Variants in ARHGEF7 observed in about 807,000 individuals in gnomAD.
ARHGEF7 encodes PAK-interacting exchange factor beta.
Under a neutral mutation model 109.8 loss-of-function variants are expected in ARHGEF7, and 33 were observed. The observed-to-expected ratio is 0.30, with a 90% confidence interval of 0.23 to 0.40. The LOEUF is 0.40. Ranked by LOEUF, ARHGEF7 falls within the 10% of genes least tolerant of loss-of-function variation. The pLI is 1.00. For missense variants in ARHGEF7, 938 were observed against 1,098.5 expected (o/e 0.85, Z 2.07); for synonymous variants, 458 against 424.6 (o/e 1.08, Z -0.97).
chr13:111,168,656 C>T (rs1421936937), intron 2 of ARHGEF7, among the ~76,000 whole-genome samples: 1 of 152,166 alleles, frequency 6.6e-6, no homozygotes, highest in South Asian at 2.1e-4. Context: ...ATTGTCCATT[C>T]CCACCCCCAG....
At chr13:111,219,901 T>C (rs748020692) in intron 5 of ARHGEF7, among the ~76,000 whole-genome samples, 2 of 152,142 alleles carry the variant, frequency 1.3e-5, no homozygotes, top group Non-Finnish European at 2.9e-5. Flanking sequence ...TGCAAGTACA[T>C]GACATCCTTT....
intron 20 of ARHGEF7, 105 bp downstream of exon 20, chr13:111,300,952 C>T (rs2093552387): frequency 6.2e-6 from 3 of 486,228 alleles, no homozygotes. Flanking sequence ...AGAAGCTTCA[C>T]TTTTTTTTTT....
chr13:111,247,526 C>G (rs534149763), intron 8 of ARHGEF7, among the ~76,000 whole-genome samples: 1 of 152,304 alleles, frequency 6.6e-6, no homozygotes, highest in Non-Finnish European at 1.5e-5. Flanking sequence ...CCGCCTCAGC[C>G]TCCCAAAGTG....
chr13:111,197,957 G>A (rs1641137640), intron 2 of ARHGEF7, among the ~76,000 whole-genome samples: 1 of 152,154 alleles, frequency 6.6e-6, no homozygotes, highest in African/African-American at 2.4e-5. Flanking sequence ...AGATGGGCGA[G>A]TCTCACTTGG....
At chr13:111,154,782 C>T (rs907229917) in intron 2 of ARHGEF7, among the ~76,000 whole-genome samples, 1 of 152,184 alleles carries the variant, frequency 6.6e-6, no homozygotes, top group South Asian at 2.1e-4. Context: ...TCTAGCTTTG[C>T]TTTTCTTGGG....
chr13:111,156,564 T>C (rs2076352268), intron 2 of ARHGEF7, among the ~76,000 whole-genome samples: 1 of 152,238 alleles, frequency 6.6e-6, no homozygotes, highest in African/African-American at 2.4e-5. Context: ...TGAGAAGTCA[T>C]TTTGTATGCT....
At chr13:111,280,722 A>T (rs1334767348) in intron 15 of ARHGEF7, 45 bp downstream of exon 15, 1 of 1,450,630 alleles carries the variant, frequency 6.9e-7, no homozygotes, top group African/African-American at 1.5e-5. Context: ...CAGGCGTGGC[A>T]TCCCGTGGCT....
Position 111,267,632 on chromosome 13 carries a change from C to T in ARHGEF7, c.1035C>T (p.Ala345=). ...AAACCCTGTACCTCACGTATTGTGC[C>T]AATCACCCTTCTGCAGTGAATGTCC... The part of the protein sequence containing the change: ...QMKTLYLTYC[A]NHPSAVNVLT... The change falls in exon 9 of 22, where the codon GCC becomes GCT. Residue 345 remains alanine (A), a synonymous_variant. Coordinates refer to ENST00000646102, the MANE Select transcript of ARHGEF7 (RefSeq NM_001354046.2). 2 of 1,614,104 alleles carry T rather than the reference C, an allele frequency of 1.2e-6. No individual in the cohort carries two copies. Among genetic ancestry groups the T allele is most frequent in the Non-Finnish European group, 1.7e-6 (2 of 1,179,960 alleles).
At position 111,266,796 on chromosome 13, in the gene ARHGEF7, G is replaced by T. The variant is rs1018565005; in HGVS notation, c.951-752G>T. 3 of 455,860 alleles carry T rather than the reference G, an allele frequency of 6.6e-6. No individual in the cohort carries two copies. The highest frequency in any genetic ancestry group is 1.3e-5 in the Non-Finnish European group (3 of 226,798). The allele number at this position is 455,860 out of a possible 1,614,324, so 28.2% of individuals were successfully genotyped here. A position where few individuals can be genotyped will look rare whatever the true frequency, so the allele number is the denominator to read the frequency against. ...GACACCCTGGGGTGCAGGGAAGGTG[G>T]TAAGAGTTCACGTGGTTCTCCTGTT... On this transcript the variant is annotated intron_variant, in intron 8 of 21. Coordinates refer to ENST00000646102, the MANE Select transcript of ARHGEF7 (RefSeq NM_001354046.2). The surrounding 1 kb of genome is among the most constrained non-coding windows in gnomAD (Gnocchi z 4.8).
chr13:111,291,431 A>T (rs2093278872), intron 18 of ARHGEF7, among the ~76,000 whole-genome samples: 1 of 152,214 alleles, frequency 6.6e-6, no homozygotes, highest in South Asian at 2.1e-4. Flanking sequence ...TTCCCACTGC[A>T]CCCTGCCTGC....
Position 111,175,830 on chromosome 13 carries a change from C to T in ARHGEF7, c.252+21839C>T, listed in dbSNP as rs557934357. Among the ~76,000 whole-genome samples, 24 of 152,288 alleles carry T rather than the reference C, an allele frequency of 1.6e-4. 2 individuals carry two copies. The South Asian group carries it at 5.0e-3, about 32-fold the overall frequency. On this transcript the variant is annotated intron_variant, in intron 2 of 21. Transcript: ENST00000646102. Reference sequence around the variant, plus strand: ...ATAAAGGAGAAAGGTTTAATTTACTCACAGTTAACACAGGGCTGGGGAGGT... The same window carrying T: ...ATAAAGGAGAAAGGTTTAATTTACTTACAGTTAACACAGGGCTGGGGAGGT...
intron 2 of ARHGEF7, among the ~76,000 whole-genome samples, chr13:111,200,202 A>G (rs1258299792): frequency 6.6e-6 from 1 of 151,832 alleles, no homozygotes; most frequent in African/African-American, 2.4e-5. Flanking sequence ...GGGAGAGCCC[A>G]GTGCCCTCCC....
intron 1 of ARHGEF7, among the ~76,000 whole-genome samples, chr13:111,138,333 T>C (rs992218328): frequency 3.3e-5 from 5 of 151,498 alleles, no homozygotes; most frequent in Non-Finnish European, 1.5e-5. Context: ...AAAAAAAAAT[T>C]AGCCGGGTGT....
At chr13:111,198,186 G>A (rs890088723) in intron 2 of ARHGEF7, among the ~76,000 whole-genome samples, 3 of 152,112 alleles carry the variant, frequency 2.0e-5, no homozygotes, top group Admixed American at 2.0e-4. Context: ...TCTTTAGTCC[G>A]GTGGCTGTGC....
chr13:111,162,234 A>G (rs2076803696), intron 2 of ARHGEF7, among the ~76,000 whole-genome samples: 1 of 152,256 alleles, frequency 6.6e-6, no homozygotes, highest in Non-Finnish European at 1.5e-5. Context: ...TGTTATGGAT[A>G]AACATTTTGG....
At chr13:111,186,675 C>G (rs1170068490) in intron 2 of ARHGEF7, among the ~76,000 whole-genome samples, 7 of 152,232 alleles carry the variant, frequency 4.6e-5, no homozygotes, top group Admixed American at 3.9e-4. Context: ...TATTTTTAAA[C>G]TTTGCAAACC....
intron 19 of ARHGEF7, chr13:111,295,045 G>A (rs1595608104): frequency 1.0e-6 from 1 of 985,746 alleles, no homozygotes; most frequent in Non-Finnish European, 1.2e-6. Flanking sequence ...ACTACCATTT[G>A]AAAAACTCAA....
intron 3 of ARHGEF7, among the ~76,000 whole-genome samples, chr13:111,206,092 T>A (rs181057303): frequency 6.6e-6 from 1 of 152,084 alleles, no homozygotes; most frequent in African/African-American, 2.4e-5. Flanking sequence ...TTTGGTCTTA[T>A]TAGAGTAATT....
In ARHGEF7 at chr13:111,239,159, C is replaced by T. The variant is rs559332057; in HGVS notation, c.760-4713C>T. ...CACCCCCGTGCCATGATTCAGTTAC[C>T]TCCACCCTGTCCCGCCCTTGACACA... On this transcript the variant is annotated intron_variant, in intron 6 of 21. Transcript: ENST00000646102. The surrounding 1 kb of genome is among the most constrained non-coding windows in gnomAD (Gnocchi z 4.3). Among the ~76,000 whole-genome samples, 2 of 152,320 alleles carry T rather than the reference C, an allele frequency of 1.3e-5. No individual in the cohort carries two copies. The highest frequency in any genetic ancestry group is 3.9e-4 in the East Asian group (2 of 5,178).
Sources: allele counts gnomAD v4.1 joint callset (sites outside exome capture counted in the v4.1 genomes callset), GRCh38; gene constraint gnomAD v4.1.1; non-coding constraint Gnocchi (gnomAD v3.1); transcripts MANE v1.5; gene names NCBI Gene and HGNC (gene_info 2026-07-23, HGNC 2026-07-21).